CELF5: variants seen among roughly 807,000 people sequenced by gnomAD.
CELF5 encodes CUGBP Elav-like family member 5, also known as CUG-BP and ETR-3 like factor 5.
CELF5 carries 6 observed loss-of-function variants against 54.9 expected under a neutral mutation model. The observed-to-expected ratio is 0.11, with a 90% CI of 0.06 to 0.22. The LOEUF is 0.22. Among genes scored for constraint, CELF5 ranks in the 10% least tolerant of loss-of-function variants. The probability of loss-of-function intolerance (pLI) is 1.00; values close to 1 mark genes in which losing one functional copy is unlikely to be tolerated. For missense variants in CELF5, 401 were observed against 678.6 expected, an observed-to-expected ratio of 0.59 and a Z score of 4.54; for synonymous variants, 271 against 290.9, an observed-to-expected ratio of 0.93 and a Z score of 0.70.
chr19:3,263,906 A>AAAAT lies in CELF5; in HGVS notation c.343-9951_343-9948dup, dbSNP rs552901268. On this transcript the variant is annotated intron_variant, in intron 2 of 12. Transcript: ENST00000292672. Reference sequence around the variant, plus strand: ...GGCGATACAGTGAGACTCAGTCTCGAAAATAAATAAATAAATAATAAATAA... The same window carrying AAAAT: ...GGCGATACAGTGAGACTCAGTCTCGAAAATAAATAAATAAATAAATAATAAATAA... Among the ~76,000 whole-genome samples, 159 of 152,250 alleles carry AAAAT rather than the reference A, an allele frequency of 1.0e-3. 1 individual carries two copies. Among genetic ancestry groups the AAAAT allele is most frequent in the African/African-American group, 3.6e-3 (149 of 41,552 alleles).
intron 2 of CELF5, among the ~76,000 whole-genome samples, chr19:3,262,721 G>A (rs1021694883): frequency 6.6e-6 from 1 of 150,952 alleles, no homozygotes; most frequent in Non-Finnish European, 1.5e-5. Flanking sequence ...GAGGCCGAGG[G>A]GGGTGGATCA....
intron 1 of CELF5, 139 bp from the exon 2 acceptor site, chr19:3,250,846 G>C (rs1352925323): frequency 6.3e-6 from 4 of 631,722 alleles, no homozygotes; most frequent in Non-Finnish European, 1.2e-5. Flanking sequence ...CCGTTGCGTG[G>C]ATGCACCAGG....
At chr19:3,291,831 G>A (rs2080354154) in intron 11 of CELF5, among the ~76,000 whole-genome samples, 1 of 152,112 alleles carries the variant, frequency 6.6e-6, no homozygotes, top group Non-Finnish European at 1.5e-5. Flanking sequence ...GGACTTCCTT[G>A]TACCCAAAGA....
intron 4 of CELF5, among the ~76,000 whole-genome samples, 161 bp from the exon 5 acceptor site, chr19:3,277,870 C>T (rs565330028): frequency 6.6e-6 from 1 of 152,228 alleles, no homozygotes; most frequent in East Asian, 1.9e-4. Flanking sequence ...TCCAGCTGTC[C>T]GTCTGAGCAA....
intron 1 of CELF5, among the ~76,000 whole-genome samples, chr19:3,245,358 CTG>C (rs892356674): frequency 5.3e-5 from 7 of 132,744 alleles, no homozygotes; most frequent in South Asian, 2.4e-4. Context: ...GTGCATGCAT[CTG>C]TGTGTGTGTG....
chr19:3,274,969 T>C (rs1056065066), intron 3 of CELF5, among the ~76,000 whole-genome samples: 11 of 152,036 alleles, frequency 7.2e-5, no homozygotes, highest in Admixed American at 7.2e-4. Context: ...TTCATCCCTC[T>C]TATTCTCTCT....
intron 2 of CELF5, among the ~76,000 whole-genome samples, chr19:3,262,729 T>C (rs970143899): frequency 1.3e-4 from 20 of 151,636 alleles, no homozygotes; most frequent in Admixed American, 2.0e-4. Flanking sequence ...GGGGGGTGGA[T>C]CACCCAAGGT....
intron 1 of CELF5, among the ~76,000 whole-genome samples, chr19:3,242,422 G>C (rs2079503672): frequency 6.6e-6 from 1 of 152,102 alleles, no homozygotes; most frequent in African/African-American, 2.4e-5. Flanking sequence ...TGTAATCCCA[G>C]TACTTTGGGA....
Position 3,282,297 on chromosome 19 carries a change from GT to G in CELF5, c.892+31del. The G allele has an allele frequency of 2.5e-6, 4 of 1,609,580 alleles. No homozygotes were observed. Among genetic ancestry groups the G allele is most frequent in the Non-Finnish European group, 3.4e-6 (4 of 1,179,914 alleles). ...GCCTCCTCCAGGCACCCAAGGATGGGTGGGCAGGGCTGGAGCCAGAACTGGC... is the reference window on the plus strand; with the variant it reads ...GCCTCCTCCAGGCACCCAAGGATGGGGGGCAGGGCTGGAGCCAGAACTGGC... On this transcript the variant is annotated intron_variant, in intron 7 of 12. Coordinates refer to ENST00000292672, the MANE Select transcript of CELF5 (RefSeq NM_021938.4). This position sits in a 1 kb window ranked among gnomAD's most constrained non-coding sequence, Gnocchi z 5.2.
chr19:3,293,616 G>A (rs1445470846), intron 12 of CELF5, 130 bp downstream of exon 12: 17 of 786,444 alleles, frequency 2.2e-5, no homozygotes, highest in South Asian at 3.7e-5. Context: ...AGAAACCTCC[G>A]GGTTGGGTTG....
intron 11 of CELF5, among the ~76,000 whole-genome samples, chr19:3,292,575 C>T (rs750074323): frequency 4.6e-5 from 7 of 152,142 alleles, no homozygotes; most frequent in Admixed American, 1.3e-4. Context: ...TGAGCCACCA[C>T]GCCTGGCCAT....
At chr19:3,277,902 A>G in intron 4 of CELF5, 129 bp from the exon 5 acceptor site, 2 of 677,760 alleles carry the variant, frequency 3.0e-6, no homozygotes, top group Non-Finnish European at 5.2e-6. Flanking sequence ...TCTTTCTGTT[A>G]TCAGTTCTCT....
chr19:3,281,353 A>T lies in CELF5; in HGVS notation c.750+8A>T. 2.5e-6 allele frequency: 4 copies of T among 1,591,824 alleles called. No homozygotes were observed. Among genetic ancestry groups the T allele is most frequent in the Non-Finnish European group, 2.6e-6 (3 of 1,166,850 alleles). On this transcript the variant is annotated splice_region_variant and intron_variant, in intron 6 of 12. Transcript: ENST00000292672. The surrounding 1 kb of genome is among the most constrained non-coding windows in gnomAD (Gnocchi z 6.5). ...AGTGCCTACGCCCAGGCTGTGAGTG[A>T]CCCAGTGACAGCTTCGGGGCTCCGG... is the stretch of plus-strand genomic sequence containing the variant.
At position 3,225,511 on chromosome 19, in the gene CELF5, G is replaced by A. The variant is rs1916855624; in HGVS notation, c.259+513G>A. ...TTCAGCCTCCCCAGGCCCCGTCGGGGAAGTTTGCACCTGCGGACTCCATTG... is the reference window on the plus strand; with the variant it reads ...TTCAGCCTCCCCAGGCCCCGTCGGGAAAGTTTGCACCTGCGGACTCCATTG... On this transcript the variant is annotated intron_variant, in intron 1 of 12. Coordinates refer to ENST00000292672, the MANE Select transcript of CELF5 (RefSeq NM_021938.4). 3.2e-6 allele frequency: 3 copies of A among 934,334 alleles called. No homozygotes were observed. In the African/African-American group the frequency reaches 5.6e-5, roughly 18 times the overall value. 57.9% of individuals were successfully genotyped at this position (934,334 alleles called of 1,614,324 possible). A position where few individuals can be genotyped will look rare whatever the true frequency, so the allele number is the denominator to read the frequency against.
chr19:3,266,802 G>A (rs2145201204), intron 2 of CELF5, among the ~76,000 whole-genome samples: 1 of 151,352 alleles, frequency 6.6e-6, no homozygotes, highest in African/African-American at 2.5e-5. Flanking sequence ...GGGGCGGATG[G>A]GGGCTGCTGG....
intron 2 of CELF5, among the ~76,000 whole-genome samples, chr19:3,263,015 G>T (rs1180015351): frequency 6.6e-6 from 1 of 151,938 alleles, no homozygotes; most frequent in Admixed American, 6.6e-5. Flanking sequence ...GGAGACCGAG[G>T]TGGGCAGATC....
chr19:3,264,051 G>A (rs939885202), intron 2 of CELF5, among the ~76,000 whole-genome samples: 1 of 152,140 alleles, frequency 6.6e-6, no homozygotes, highest in African/African-American at 2.4e-5. Context: ...GTATTACTAA[G>A]CCCAACTCTT....
At chr19:3,252,032 G>A (rs1298740398) in intron 2 of CELF5, among the ~76,000 whole-genome samples, 2 of 151,784 alleles carry the variant, frequency 1.3e-5, no homozygotes, top group Non-Finnish European at 2.9e-5. Context: ...CCTGGGTGCT[G>A]TCTCTGATGA....
chr19:3,243,474 A>G (rs2079520892), intron 1 of CELF5, among the ~76,000 whole-genome samples: 1 of 152,054 alleles, frequency 6.6e-6, no homozygotes, highest in African/African-American at 2.4e-5. Flanking sequence ...CAGAGATGGA[A>G]TTTGACTACG....
Sources: gnomAD v4.1 joint callset for allele counts (sites outside exome capture counted in the v4.1 genomes callset) on GRCh38, gnomAD v4.1.1 for gene constraint, Gnocchi (gnomAD v3.1) non-coding constraint, MANE v1.5 for transcripts, NCBI Gene and HGNC (gene_info 2026-07-23, HGNC 2026-07-21) for gene names.